The following ADAMTS3 variants were observed in gnomAD, a reference collection of about 807,000 sequenced individuals.
ADAMTS3 encodes the protein A disintegrin and metalloproteinase with thrombospondin motifs 3.
In ADAMTS3, 73 loss-of-function variants were observed where a neutral mutation model predicts 129.0. That is an observed-to-expected ratio of 0.57 (90% CI 0.47 to 0.69). The LOEUF (loss-of-function observed/expected upper bound fraction) is 0.69. ADAMTS3 is among the 30% of genes least tolerant of loss of function. ADAMTS3 has a pLI of 0.00. For missense variants in ADAMTS3, 1,457 were observed against 1,514.5 expected (o/e 0.96, Z 0.63); for synonymous variants, 477 against 510.8 (o/e 0.93, Z 0.89).
intron 3 of ADAMTS3, among the ~76,000 whole-genome samples, chr4:72,508,015 CATA>C (rs1179784533): frequency 1.3e-5 from 2 of 152,120 alleles, no homozygotes; most frequent in African/African-American, 2.4e-5. Flanking sequence ...AAGTAAAATG[CATA>C]ATAACATGGA....
intron 17 of ADAMTS3, among the ~76,000 whole-genome samples, chr4:72,299,617 G>C (rs1718901217): frequency 6.6e-6 from 1 of 152,102 alleles, no homozygotes; most frequent in Non-Finnish European, 1.5e-5. Flanking sequence ...TTAATAATGA[G>C]AGTGTATGAA....
chr4:72,437,535 A>G (rs1225799782), intron 3 of ADAMTS3, among the ~76,000 whole-genome samples: 1 of 151,748 alleles, frequency 6.6e-6, no homozygotes, highest in Non-Finnish European at 1.5e-5. Context: ...TATTTCTATC[A>G]CAGTTCATCA....
chr4:72,503,837 T>C (rs1388446606), intron 3 of ADAMTS3, among the ~76,000 whole-genome samples: 2 of 152,214 alleles, frequency 1.3e-5, no homozygotes, highest in Non-Finnish European at 2.9e-5. Flanking sequence ...TTTAACCCTT[T>C]ATCATTATGT....
At chr4:72,565,283 A>C (rs968152486) in intron 2 of ADAMTS3, among the ~76,000 whole-genome samples, 1 of 152,204 alleles carries the variant, frequency 6.6e-6, no homozygotes, top group Non-Finnish European at 1.5e-5. Context: ...ATCTACAAAC[A>C]TTATTTGTCT....
intron 3 of ADAMTS3, among the ~76,000 whole-genome samples, chr4:72,425,581 A>G (rs1034943116): frequency 4.6e-5 from 7 of 151,930 alleles, no homozygotes; most frequent in Non-Finnish European, 1.0e-4. Flanking sequence ...GAGAACATGC[A>G]GTGTTTGGTT....
chr4:72,347,334 C>T (rs1237228404), intron 4 of ADAMTS3, among the ~76,000 whole-genome samples: 1 of 150,652 alleles, frequency 6.6e-6, no homozygotes, highest in African/African-American at 2.4e-5. Context: ...TCCCGACAGG[C>T]AGGTGAAGCT....
intron 3 of ADAMTS3, among the ~76,000 whole-genome samples, chr4:72,458,867 A>G (rs1438246257): frequency 6.6e-6 from 1 of 151,624 alleles, no homozygotes; most frequent in Non-Finnish European, 1.5e-5. Context: ...CAGGACCTAG[A>G]AAGAACACTT....
chr4:72,307,946 T>C (rs942503518), intron 15 of ADAMTS3, among the ~76,000 whole-genome samples: 1 of 151,970 alleles, frequency 6.6e-6, no homozygotes, highest in Non-Finnish European at 1.5e-5. Flanking sequence ...AAGTTTAGCA[T>C]GATGTTTGAA....
intron 3 of ADAMTS3, among the ~76,000 whole-genome samples, chr4:72,534,782 T>C (rs1721145645): frequency 6.6e-6 from 1 of 152,216 alleles, no homozygotes; most frequent in Non-Finnish European, 1.5e-5. Context: ...TTCTCATAGA[T>C]GAACATGTTC....
chr4:72,503,034 T>C lies in ADAMTS3; in HGVS notation c.504+45444A>G, dbSNP rs182051901. On this transcript the variant is annotated intron_variant, in intron 3 of 21. Coordinates refer to ENST00000286657, the MANE Select transcript of ADAMTS3 (RefSeq NM_014243.3). ...AAGGTTTTTTTTGTTTCTTTTGTTT[T>C]TGTTTTCTTGATGGAGTCTCACTCT... Among the ~76,000 whole-genome samples the C allele has an allele frequency of 2.6e-5, 4 of 152,288 alleles. No individual in the cohort carries two copies. In the East Asian group the frequency reaches 5.8e-4, roughly 22 times the overall value.
chr4:72,382,395 G>C (rs527292277), intron 4 of ADAMTS3, among the ~76,000 whole-genome samples: 4 of 151,626 alleles, frequency 2.6e-5, no homozygotes, highest in Admixed American at 2.6e-4. Flanking sequence ...ATTGAGTTCT[G>C]CTGGTTTGGA....
chr4:72,530,418 T>C lies in ADAMTS3; in HGVS notation c.504+18060A>G, dbSNP rs1311203681. Among the ~76,000 whole-genome samples, 8 of 84,876 alleles carry C rather than the reference T, an allele frequency of 9.4e-5. No homozygotes were observed. In the Admixed American group the frequency reaches 1.8e-3, roughly 19 times the overall value. The allele number at this position is 84,876 out of a possible 152,430, so 55.7% of individuals were successfully genotyped here. ...ACATATATGAATTTAATATATAATA[T>C]ATATTAAATTAATATATGTTAATTT... On this transcript the variant is annotated intron_variant, in intron 3 of 21. Coordinates refer to ENST00000286657, the MANE Select transcript of ADAMTS3 (RefSeq NM_014243.3).
chr4:72,388,117 A>G (rs1721493840), intron 4 of ADAMTS3, among the ~76,000 whole-genome samples: 1 of 152,208 alleles, frequency 6.6e-6, no homozygotes, highest in African/African-American at 2.4e-5. Flanking sequence ...ATTCTTCTCA[A>G]CCATAAATGC....
intron 3 of ADAMTS3, among the ~76,000 whole-genome samples, chr4:72,532,765 T>G (rs1025365255): frequency 2.6e-5 from 4 of 152,114 alleles, no homozygotes; most frequent in Non-Finnish European, 4.4e-5. Flanking sequence ...ACACTGAATA[T>G]TATAGGAAAC....
rs368465567 is a variant in ADAMTS3, at chr4:72,457,322, T to C, written c.505-42351A>G. ...CCATTAAACACATAAATGACAGTAA[T>C]AGCACTTTAATTGACTTGTAGTATA... On this transcript the variant is annotated intron_variant, in intron 3 of 21. Coordinates refer to ENST00000286657, the MANE Select transcript of ADAMTS3 (RefSeq NM_014243.3). Among the ~76,000 whole-genome samples the C allele has an allele frequency of 2.6e-4, 39 of 151,776 alleles. No homozygotes were observed. In the East Asian group the frequency reaches 7.0e-3, roughly 27 times the overall value.
At chr4:72,453,345 G>A (rs150282177) in intron 3 of ADAMTS3, among the ~76,000 whole-genome samples, 9 of 151,806 alleles carry the variant, frequency 5.9e-5, no homozygotes, top group African/African-American at 9.6e-5. Context: ...TGACATAGTC[G>A]GCTTGCTGTT....
At chr4:72,544,790 T>A (rs1721423896) in intron 3 of ADAMTS3, among the ~76,000 whole-genome samples, 1 of 152,224 alleles carries the variant, frequency 6.6e-6, no homozygotes, top group South Asian at 2.1e-4. Flanking sequence ...GCATTACTTT[T>A]CAGGCCAACA....
Position 72,315,857 on chromosome 4 carries a change from C to G in ADAMTS3, c.1599+1G>C. The G allele has an allele frequency of 6.3e-7, 1 of 1,580,384 alleles. No homozygotes were observed. Among genetic ancestry groups the G allele is most frequent in the Non-Finnish European group, 8.7e-7 (1 of 1,153,100 alleles). On this transcript the variant is annotated splice_donor_variant, in intron 11 of 21. Coordinates refer to ENST00000286657, the MANE Select transcript of ADAMTS3 (RefSeq NM_014243.3). LOFTEE classifies it high-confidence loss of function. Reference sequence around the variant, plus strand: ...TTTATTGTGTAAATAGATATACTCACTTTTCCAGCAGCACATTCAGTCCCA... The same window carrying G: ...TTTATTGTGTAAATAGATATACTCAGTTTTCCAGCAGCACATTCAGTCCCA...
intron 3 of ADAMTS3, among the ~76,000 whole-genome samples, chr4:72,533,694 T>C (rs559548901): frequency 3.9e-4 from 60 of 152,132 alleles, no homozygotes; most frequent in African/African-American, 1.4e-3. Context: ...CATGTATATA[T>C]ACTTTTTTCT....
Sources: gnomAD v4.1 joint callset for allele counts (sites outside exome capture counted in the v4.1 genomes callset) on GRCh38, gnomAD v4.1.1 for gene constraint, MANE v1.5 for transcripts, NCBI Gene and HGNC (gene_info 2026-07-23, HGNC 2026-07-21) for gene names.